The following UVRAG variants were observed in gnomAD, a reference collection of about 807,000 sequenced individuals.
UVRAG encodes the protein UV radiation resistance-associated gene protein.
Under a neutral mutation model 78.0 loss-of-function variants are expected in UVRAG, and 19 were observed. The ratio of observed to expected loss-of-function variants is 0.24; its 90% CI spans 0.17 to 0.36. UVRAG has a LOEUF of 0.36. Among genes scored for constraint, UVRAG ranks in the 10% least tolerant of loss-of-function variants. The pLI is 1.00. For synonymous variants in UVRAG, 323 were observed against 324.6 expected, an observed-to-expected ratio of 1.00 and a Z score of 0.05; for missense variants, 740 against 853.8, an observed-to-expected ratio of 0.87 and a Z score of 1.66.
At chr11:75,972,071 T>C (rs1949133316) in intron 7 of UVRAG, among the ~76,000 whole-genome samples, 1 of 152,040 alleles carries the variant, frequency 6.6e-6, no homozygotes, top group South Asian at 2.1e-4. Context: ...TTGGGTAACA[T>C]AGTGAGACCC....
At chr11:75,955,588 G>C (rs976005599) in intron 6 of UVRAG, among the ~76,000 whole-genome samples, 6 of 152,102 alleles carry the variant, frequency 3.9e-5, no homozygotes, top group Non-Finnish European at 8.8e-5. Context: ...GTGAGTTTTG[G>C]TGTACTCCTT....
chr11:75,878,667 C>T (rs980401588), intron 3 of UVRAG, among the ~76,000 whole-genome samples: 9 of 152,228 alleles, frequency 5.9e-5, no homozygotes, highest in Admixed American at 3.9e-4. Context: ...GAGACCAGCC[C>T]GGCTAACACA....
chr11:75,936,480 C>T (rs1162212488), intron 6 of UVRAG, among the ~76,000 whole-genome samples: 3 of 152,182 alleles, frequency 2.0e-5, no homozygotes, highest in African/African-American at 7.2e-5. Context: ...TTAATTGTAT[C>T]AATGTAGACA....
intron 14 of UVRAG, among the ~76,000 whole-genome samples, chr11:76,121,915 G>A (rs1402316560): frequency 6.6e-6 from 1 of 152,014 alleles, no homozygotes; most frequent in Non-Finnish European, 1.5e-5. Context: ...CTTCTTTGCC[G>A]AGTCTTACCC....
intron 6 of UVRAG, among the ~76,000 whole-genome samples, chr11:75,919,927 T>C (rs1190708635): frequency 6.6e-6 from 1 of 151,202 alleles, no homozygotes; most frequent in African/African-American, 2.4e-5. Context: ...AAAAGTGTAA[T>C]TATGAGAGCC....
At chr11:76,117,679 AG>A (rs1441596236) in intron 14 of UVRAG, among the ~76,000 whole-genome samples, 1 of 152,236 alleles carries the variant, frequency 6.6e-6, no homozygotes, top group African/African-American at 2.4e-5. Context: ...GGAGAGCCAT[AG>A]GCTTTCCCTA....
At chr11:75,837,934 T>G (rs116254172) in intron 1 of UVRAG, among the ~76,000 whole-genome samples, 1,707 of 152,298 alleles carry the variant, frequency 0.011, 32 homozygotes, top group African/African-American at 0.038. Context: ...GAGGGTTGCT[T>G]GAGCCTGAGA....
chr11:76,011,615 CTCTG>C (rs1255804722), intron 11 of UVRAG, among the ~76,000 whole-genome samples: 1 of 152,142 alleles, frequency 6.6e-6, no homozygotes, highest in African/African-American at 2.4e-5. Context: ...CAGAGTGAGA[CTCTG>C]TCTAAAAACA....
At chr11:76,027,729 A>C (rs1950355150) in intron 12 of UVRAG, among the ~76,000 whole-genome samples, 1 of 152,194 alleles carries the variant, frequency 6.6e-6, no homozygotes. Context: ...TAGGCATGTA[A>C]GTTTTTATTC....
chr11:76,009,291 G>A (rs575274122), intron 11 of UVRAG, among the ~76,000 whole-genome samples: 1 of 152,018 alleles, frequency 6.6e-6, no homozygotes, highest in African/African-American at 2.4e-5. Flanking sequence ...ATTTTGTGAA[G>A]TTTCCATTAC....
intron 5 of UVRAG, among the ~76,000 whole-genome samples, chr11:75,891,910 AG>A (rs1045946527): frequency 1.3e-5 from 2 of 152,022 alleles, no homozygotes; most frequent in African/African-American, 2.4e-5. Context: ...TGTCTCAGGG[AG>A]GGGAAAGAAA....
intron 1 of UVRAG, among the ~76,000 whole-genome samples, chr11:75,843,913 T>A (rs1227255382): frequency 3.3e-5 from 5 of 149,976 alleles, no homozygotes; most frequent in Admixed American, 3.3e-4. Context: ...GAGCTGAGAT[T>A]GCGCCACTGC....
chr11:75,895,979 T>G (rs1947336299), intron 5 of UVRAG, among the ~76,000 whole-genome samples: 1 of 152,242 alleles, frequency 6.6e-6, no homozygotes, highest in African/African-American at 2.4e-5. Context: ...AAATTTATTT[T>G]CTTTGTTGAG....
chr11:75,912,806 G>A (rs1947768028), intron 6 of UVRAG, among the ~76,000 whole-genome samples: 2 of 152,190 alleles, frequency 1.3e-5, no homozygotes, highest in East Asian at 3.8e-4. Flanking sequence ...AAGGATGCTC[G>A]GAGAACTGGT....
intron 13 of UVRAG, among the ~76,000 whole-genome samples, chr11:76,111,764 A>G (rs900180337): frequency 6.6e-6 from 1 of 152,038 alleles, no homozygotes; most frequent in Non-Finnish European, 1.5e-5. Context: ...CTCATTCTGC[A>G]ATGAACCCTC....
At chr11:76,139,390 G>T (rs1952661866) in intron 14 of UVRAG, among the ~76,000 whole-genome samples, 1 of 152,176 alleles carries the variant, frequency 6.6e-6, no homozygotes, top group African/African-American at 2.4e-5. Context: ...CTGCAGGACT[G>T]GTAGCTCCTT....
intron 6 of UVRAG, among the ~76,000 whole-genome samples, chr11:75,934,132 A>G (rs973943753): frequency 1.3e-5 from 2 of 152,272 alleles, no homozygotes; most frequent in South Asian, 2.1e-4. Context: ...AATGTGATAC[A>G]TATACACAAT....
chr11:76,083,217 C>T (rs909856870), intron 13 of UVRAG, among the ~76,000 whole-genome samples: 3 of 152,120 alleles, frequency 2.0e-5, no homozygotes, highest in African/African-American at 7.2e-5. Flanking sequence ...TTATTATCCT[C>T]ATTTTACAGG....
chr11:75,974,641 C>T (rs1298135726), intron 7 of UVRAG, among the ~76,000 whole-genome samples: 1 of 152,142 alleles, frequency 6.6e-6, no homozygotes, highest in Non-Finnish European at 1.5e-5. Context: ...GCTGGGATTA[C>T]AGGCGTGAGC....
Sources: gnomAD v4.1 joint callset for allele counts (sites outside exome capture counted in the v4.1 genomes callset) on GRCh38, gnomAD v4.1.1 for gene constraint, MANE v1.5 for transcripts, NCBI Gene and HGNC (gene_info 2026-07-23, HGNC 2026-07-21) for gene names.